Variants in VAC14 observed in about 807,000 individuals in gnomAD.
The protein encoded by VAC14 is VAC14 component of PIKFYVE complex.
Under a neutral mutation model 85.3 loss-of-function variants are expected in VAC14, and 47 were observed. That is an observed-to-expected ratio of 0.55 (90% CI 0.44 to 0.70). The LOEUF is 0.70. Ranked by LOEUF, VAC14 falls within the 30% of genes least tolerant of loss-of-function variation. The probability of loss-of-function intolerance (pLI) is 0.00; values close to 1 mark genes in which losing one functional copy is unlikely to be tolerated. For synonymous variants in VAC14, 447 were observed against 430.5 expected, an observed-to-expected ratio of 1.04 and a Z score of -0.47; for missense variants, 861 against 1,004.3, an observed-to-expected ratio of 0.86 and a Z score of 1.93.
intron 9 of VAC14, chr16:70,778,377 G>A (rs1437513101): frequency 2.6e-5 from 4 of 152,146 alleles, no homozygotes; most frequent in African/African-American, 9.7e-5. Flanking sequence ...TAAGCAGAAA[G>A]GTGGCAGGGG....
chr16:70,773,693 G>C (rs1250189209), intron 9 of VAC14, among the ~76,000 whole-genome samples: 1 of 152,110 alleles, frequency 6.6e-6, no homozygotes, highest in Non-Finnish European at 1.5e-5. Context: ...AAAGAGTAAA[G>C]AATTCTTTTT....
chr16:70,753,011 G>GGTGTGTGTGTGTGTGTGT (rs372860764), intron 12 of VAC14, among the ~76,000 whole-genome samples: 16 of 142,980 alleles, frequency 1.1e-4, no homozygotes, highest in African/African-American at 3.7e-4. Context: ...AGGAGGAGGG[G>GGTGTGTGTGTGTGTGTGT]GTGTGTGTGT....
chr16:70,786,121 T>C, intron 2 of VAC14, 94 bp downstream of exon 2: 1 of 1,534,940 alleles, frequency 6.5e-7, no homozygotes, highest in Non-Finnish European at 8.8e-7. Flanking sequence ...AGGTCTGCAA[T>C]GCCCTACTGG....
At chr16:70,725,763 T>A (rs762238704) in intron 14 of VAC14, among the ~76,000 whole-genome samples, 24 of 152,228 alleles carry the variant, frequency 1.6e-4, no homozygotes, top group Non-Finnish European at 2.5e-4. Context: ...CTTCCTCCTT[T>A]CCCTTGTGGG....
chr16:70,780,982 T>C lies in VAC14; in HGVS notation c.947-43A>G, dbSNP rs78433041. On this transcript the variant is annotated intron_variant, in intron 8 of 18. Coordinates refer to ENST00000261776, the MANE Select transcript of VAC14 (RefSeq NM_018052.5). ...AGGAGCGTGATCTGATTTGGATGCC[T>C]GTCTCTCTAAATCTCTTGCTGAAAT... The C allele has an allele frequency of 1.3e-3, 2,151 of 1,610,000 alleles. 28 individuals are homozygous for C. In the African/African-American group the frequency reaches 0.025, roughly 19 times the overall value.
intron 15 of VAC14, among the ~76,000 whole-genome samples, chr16:70,697,690 G>A (rs956850869): frequency 1.3e-5 from 2 of 152,168 alleles, no homozygotes; most frequent in African/African-American, 4.8e-5. Flanking sequence ...AGTCCACTTC[G>A]AACACTTGGA....
intron 17 of VAC14, among the ~76,000 whole-genome samples, 197 bp from the exon 18 acceptor site, chr16:70,693,168 C>T (rs1597846659): frequency 6.6e-6 from 1 of 152,200 alleles, no homozygotes; most frequent in East Asian, 1.9e-4. Context: ...CAGCCAGTCG[C>T]GCTGCCCCCA....
intron 14 of VAC14, among the ~76,000 whole-genome samples, chr16:70,720,494 A>G (rs2054262814): frequency 6.6e-6 from 1 of 152,172 alleles, no homozygotes; most frequent in African/African-American, 2.4e-5. Context: ...CGGCAAGACC[A>G]AGCTGAAAAC....
intron 14 of VAC14, chr16:70,699,584 C>T (rs2053782606): frequency 6.6e-6 from 1 of 152,166 alleles, no homozygotes; most frequent in African/African-American, 2.4e-5. Context: ...AAAAAGGGAA[C>T]CCAGAGGATG....
At chr16:70,689,062 C>T (rs538772329) in intron 18 of VAC14, 17 of 985,198 alleles carry the variant, frequency 1.7e-5, no homozygotes, top group Admixed American at 1.2e-4. Flanking sequence ...TGCCAATCGG[C>T]GGGGCCGGGA....
intron 14 of VAC14, among the ~76,000 whole-genome samples, chr16:70,709,465 C>T (rs562642761): frequency 9.9e-5 from 15 of 152,190 alleles, no homozygotes; most frequent in Admixed American, 9.8e-4. Context: ...TCCTTTTACC[C>T]CACTCTCCCG....
At chr16:70,782,936 C>T in intron 7 of VAC14, 97 bp downstream of exon 7, 1 of 1,106,718 alleles carries the variant, frequency 9.0e-7, no homozygotes, top group Non-Finnish European at 1.3e-6. Flanking sequence ...CTCCCCTGCC[C>T]CCTCACTGAA....
Position 70,762,543 on chromosome 16 carries a change from A to G in VAC14, c.1368T>C (p.Asp456=). 6.2e-7 allele frequency: 1 copy of G among 1,614,142 alleles called. No homozygotes were observed. Among genetic ancestry groups the G allele is most frequent in the Non-Finnish European group, 8.5e-7 (1 of 1,179,976 alleles). ...ACGGGTGGCGTTGGTGACCTACCTC[A>G]TCCGATTCATCCGATAACGTCTGCA... ...ILLQTLSDES[D]EVILKDLEVL... Residue 456 remains aspartate (D), a synonymous_variant, in exon 12 of 19, where the codon GAT becomes GAC. Coordinates refer to ENST00000261776, the MANE Select transcript of VAC14 (RefSeq NM_018052.5). This position sits in a 1 kb window ranked among gnomAD's most constrained non-coding sequence, Gnocchi z 4.1.
At position 70,773,504 on chromosome 16, in the gene VAC14, G is replaced by C. The variant is rs1213912311; in HGVS notation, c.1097-1332C>G. 2.0e-5 allele frequency among the ~76,000 whole-genome samples: 3 copies of C among 152,152 alleles called. No homozygotes were observed. The East Asian group carries it at 5.8e-4, about 29-fold the overall frequency. On this transcript the variant is annotated intron_variant, in intron 9 of 18. Transcript: ENST00000261776. ...TCTGGAAAGCTGCTGGTAGGATCCTGTTCCGCCTTCAGTCCCCGTCTAGGC... is the reference window on the plus strand; with the variant it reads ...TCTGGAAAGCTGCTGGTAGGATCCTCTTCCGCCTTCAGTCCCCGTCTAGGC...
At chr16:70,706,168 G>C (rs780893560) in intron 14 of VAC14, among the ~76,000 whole-genome samples, 1 of 152,242 alleles carries the variant, frequency 6.6e-6, no homozygotes, top group Non-Finnish European at 1.5e-5. Context: ...ATGGGGCATG[G>C]GGTCAGCGAT....
intron 17 of VAC14, 107 bp from the exon 18 acceptor site, chr16:70,693,078 A>G (rs1412160704): frequency 7.7e-6 from 11 of 1,427,008 alleles, no homozygotes; most frequent in Non-Finnish European, 9.4e-6. Context: ...ACTTGGTGCC[A>G]TGGCACCCAC....
At chr16:70,788,209 C>T (rs768128745) in intron 1 of VAC14, among the ~76,000 whole-genome samples, 4 of 152,204 alleles carry the variant, frequency 2.6e-5, no homozygotes, top group Non-Finnish European at 5.9e-5. Context: ...TTAAAACCAA[C>T]GGTGCTGTCC....
chr16:70,750,084 G>C (rs761579197), intron 12 of VAC14, among the ~76,000 whole-genome samples: 4 of 152,210 alleles, frequency 2.6e-5, no homozygotes, highest in Non-Finnish European at 4.4e-5. Flanking sequence ...AGGAGAAGGC[G>C]ATCTCAGTGG....
chr16:70,750,040 C>G (rs2143017187), intron 12 of VAC14, among the ~76,000 whole-genome samples: 2 of 152,340 alleles, frequency 1.3e-5, no homozygotes, highest in South Asian at 4.1e-4. Context: ...CCTGGAGACC[C>G]TGCAACCCTT....
Sources: allele counts gnomAD v4.1 joint callset (sites outside exome capture counted in the v4.1 genomes callset), GRCh38; gene constraint gnomAD v4.1.1; non-coding constraint Gnocchi (gnomAD v3.1); transcripts MANE v1.5; gene names NCBI Gene and HGNC (gene_info 2026-07-23, HGNC 2026-07-21).